The following ACAP3 variants were observed in gnomAD, a reference collection of about 807,000 sequenced individuals.
ACAP3 encodes arf-GAP with coiled-coil, ANK repeat and PH domain-containing protein 3.
Under a neutral mutation model 104.1 loss-of-function variants are expected in ACAP3, and 56 were observed. The observed-to-expected ratio is 0.54, with a 90% CI of 0.43 to 0.67. ACAP3 has a LOEUF of 0.67. Among genes scored for constraint, ACAP3 ranks in the 30% least tolerant of loss-of-function variants. The pLI is 0.00. For missense variants in ACAP3, 1,208 were observed against 1,174.9 expected, an observed-to-expected ratio of 1.03 and a Z score of -0.41; for synonymous variants, 628 against 496.2, an observed-to-expected ratio of 1.27 and a Z score of -3.53.
chr1:1,300,397 C>G, intron 6 of ACAP3, 112 bp downstream of exon 6: 1 of 1,310,434 alleles, frequency 7.6e-7, no homozygotes, highest in Non-Finnish European at 1.0e-6. Context: ...CACCCATGGG[C>G]AAAGCAAGAA....
At chr1:1,299,559 C>G (rs1019558314) in intron 9 of ACAP3, 1 of 754,030 alleles carries the variant, frequency 1.3e-6, no homozygotes, top group African/African-American at 1.8e-5. Flanking sequence ...GCTGCTGTCC[C>G]ACAGGCAAGC....
chr1:1,295,192 G>A (rs896581505), intron 19 of ACAP3, among the ~76,000 whole-genome samples: 2 of 152,120 alleles, frequency 1.3e-5, no homozygotes, highest in Non-Finnish European at 2.9e-5. Context: ...GGGCCGGCTG[G>A]CAGCGCCCTC....
chr1:1,296,235 G>T lies in ACAP3; in HGVS notation c.1383C>A (p.Asp461Glu). The T allele has an allele frequency of 6.4e-7, 1 of 1,566,366 alleles. No individual in the cohort carries two copies. Among genetic ancestry groups the T allele is most frequent in the Non-Finnish European group, 8.7e-7 (1 of 1,155,372 alleles). ...CCTTTAGCAGCTCAGGCTCCCACGA[G>T]TCCAGCGTCAGGGACCGCACCTTGG... ...HCSKVRSLTL[D>E]SWEPELLKLM... Residue 461 changes from aspartate (D) to glutamate (E), a missense_variant, in exon 16 of 24, where the codon GAC becomes GAA. Physicochemically the swap from Asp to Glu is conservative, Grantham distance 45. Coordinates refer to ENST00000354700, the MANE Select transcript of ACAP3 (RefSeq NM_030649.3).
chr1:1,299,410 GCCAACTCCTGGTGACTGGTGGACCCGTCC>G lies in ACAP3; in HGVS notation c.739-83_739-55del, dbSNP rs1477245360. On this transcript the variant is annotated intron_variant, in intron 9 of 23. Coordinates refer to ENST00000354700, the MANE Select transcript of ACAP3 (RefSeq NM_030649.3). ...GGGAGAAAGCCAGTGAGTGACGGCT[GCCAACTCCTGGTGACTGGTGGACCCGTCC>G]CCAACTCCTGGTGACTGGTGGACCC... The G allele has an allele frequency of 1.2e-3, 1,749 of 1,486,648 alleles. 6 individuals are homozygous for G. Among genetic ancestry groups the G allele is most frequent in the African/African-American group, 0.011 (756 of 70,196 alleles). The allele number at this position is 1,486,648 out of a possible 1,614,324, so 92.1% of individuals were successfully genotyped here.
intron 5 of ACAP3, chr1:1,301,416 T>C (rs1217363682): frequency 2.0e-5 from 3 of 150,450 alleles, no homozygotes; most frequent in African/African-American, 5.0e-5. Context: ...CGTGCCACCA[T>C]GCCCATCTAA....
Position 1,295,782 on chromosome 1 carries a change from C to T in ACAP3, c.1659G>A (p.Lys553=), listed in dbSNP as rs1301179381. Residue 553 remains lysine, a synonymous_variant, in exon 18 of 24, where the codon AAG becomes AAA. Coordinates refer to ENST00000354700, the MANE Select transcript of ACAP3 (RefSeq NM_030649.3). ...SSPRAPTARR[K]VRLEPVLPCV... ...AGGGCAGAACGGGCTCAAGCCGGAC[C>T]TTGCGGCGGGCAGTGGGAGCGCGGG... 9 of 1,608,710 alleles carry T rather than the reference C, an allele frequency of 5.6e-6. No homozygotes were observed. In the Admixed American group the frequency reaches 8.3e-5, roughly 15 times the overall value.
At chr1:1,300,136 G>C (rs773445318) in intron 7 of ACAP3, 22 bp downstream of exon 7, 1 of 1,609,370 alleles carries the variant, frequency 6.2e-7, no homozygotes. Context: ...CCTGTGCTCA[G>C]GGGCAGCCCC....
chr1:1,306,608 C>T (rs922106835), intron 1 of ACAP3, among the ~76,000 whole-genome samples: 2 of 152,136 alleles, frequency 1.3e-5, no homozygotes, highest in Non-Finnish European at 2.9e-5. Flanking sequence ...AGAGGCTCCC[C>T]GTGCCTCCAC....
chr1:1,307,196 G>T, intron 1 of ACAP3: 1 of 1,287,172 alleles, frequency 7.8e-7, no homozygotes. Context: ...ACGCCTGCAC[G>T]CCACGAATGA....
At chr1:1,294,840 T>C (rs1641046249) in intron 19 of ACAP3, 24 bp from the exon 20 acceptor site, 2 of 1,547,396 alleles carry the variant, frequency 1.3e-6, no homozygotes, top group African/African-American at 2.7e-5. Context: ...GGGAAGGGGG[T>C]CCTGAGGGTG....
At chr1:1,300,775 G>A in intron 5 of ACAP3, 83 bp from the exon 6 acceptor site, 2 of 1,449,696 alleles carry the variant, frequency 1.4e-6, no homozygotes, top group Non-Finnish European at 1.9e-6. Context: ...TTGTTTGTGT[G>A]TTTTTTGTTT....
intron 19 of ACAP3, 21 bp downstream of exon 19, chr1:1,295,426 C>T: frequency 1.2e-6 from 2 of 1,609,108 alleles, no homozygotes; most frequent in South Asian, 2.2e-5. Context: ...TGCCACCTGG[C>T]TGGGCCCACC....
chr1:1,300,478 C>T (rs773246492), intron 6 of ACAP3, 31 bp downstream of exon 6: 1 of 1,583,486 alleles, frequency 6.3e-7, no homozygotes, highest in East Asian at 2.2e-5. Context: ...TACAGCTGGT[C>T]CCCGCCCCCC....
At chr1:1,302,814 A>T in intron 4 of ACAP3, 108 bp downstream of exon 4, 1 of 211,048 alleles carries the variant, frequency 4.7e-6, no homozygotes, top group Non-Finnish European at 9.7e-6. Context: ...CCCCGACTAG[A>T]GGAGCAGAAA....
rs576317898 is a variant in ACAP3 at position 1,299,332 on chromosome 1, C to G, written c.750+13G>C. 1.9e-6 allele frequency: 3 copies of G among 1,594,218 alleles called. No homozygotes were observed. The highest frequency in any genetic ancestry group is 1.7e-5 in the Admixed American group (1 of 57,724). ...CCCGACCCACAGCCCGCCCAGGGCCCGTGCTCACTTACCTGCAGCAGCGTC... is the reference window on the plus strand; with the variant it reads ...CCCGACCCACAGCCCGCCCAGGGCCGGTGCTCACTTACCTGCAGCAGCGTC... On this transcript the variant is annotated intron_variant, in intron 10 of 23. Coordinates refer to ENST00000354700, the MANE Select transcript of ACAP3 (RefSeq NM_030649.3).
intron 9 of ACAP3, 110 bp downstream of exon 9, chr1:1,299,721 G>T (rs1415303114): frequency 7.8e-7 from 1 of 1,276,582 alleles, no homozygotes; most frequent in Non-Finnish European, 1.1e-6. Context: ...GGGCAGGGCA[G>T]GTGGGAGACA....
chr1:1,305,691 T>A (rs1641661214), intron 1 of ACAP3: 1 of 152,708 alleles, frequency 6.5e-6, no homozygotes, highest in Non-Finnish European at 1.5e-5. Context: ...CAGGATTTCC[T>A]CAGCAGCTTG....
Position 1,303,345 on chromosome 1 carries a change from G to A in ACAP3, c.106-64C>T, listed in dbSNP as rs989532274. On this transcript the variant is annotated intron_variant, in intron 2 of 23. Transcript: ENST00000354700. This position sits in a 1 kb window ranked among gnomAD's most constrained non-coding sequence, Gnocchi z 4.0. ...GGCGCCTGCACTCGCCACCACACAC[G>A]GCCACTCAGAGGCAGGAAGAGCTCC... The A allele has an allele frequency of 3.9e-5, 60 of 1,535,226 alleles. No individual in the cohort carries two copies. Among genetic ancestry groups the A allele is most frequent in the South Asian group, 3.1e-4 (26 of 83,454 alleles).
At chr1:1,301,717 A>C in intron 5 of ACAP3, 1 of 326,940 alleles carries the variant, frequency 3.1e-6, no homozygotes, top group Non-Finnish European at 5.6e-6. Flanking sequence ...TCCAGCCCAG[A>C]CCCCAGCCAT....
Sources: allele counts gnomAD v4.1 joint callset (sites outside exome capture counted in the v4.1 genomes callset), GRCh38; gene constraint gnomAD v4.1.1; non-coding constraint Gnocchi (gnomAD v3.1); transcripts MANE v1.5; gene names NCBI Gene and HGNC (gene_info 2026-07-23, HGNC 2026-07-21).